MRC2: variants seen among roughly 807,000 people sequenced by gnomAD.
MRC2 encodes mannose receptor C-type 2.
A neutral mutation model predicts 206.2 loss-of-function variants in MRC2; 84 were observed. The observed-to-expected ratio is 0.41, with a 90% confidence interval of 0.34 to 0.49. The LOEUF (loss-of-function observed/expected upper bound fraction) is 0.49. MRC2 is among the 20% of genes least tolerant of loss of function. The pLI, the probability that MRC2 is intolerant of heterozygous loss-of-function variation, is 0.31. For missense variants in MRC2, 1,676 were observed against 2,001.5 expected (o/e 0.84, Z 3.10); for synonymous variants, 798 against 800.0 (o/e 1.00, Z 0.04).
chr17:62,649,009 C>T (rs1264426897), intron 1 of MRC2, among the ~76,000 whole-genome samples: 6 of 152,230 alleles, frequency 3.9e-5, no homozygotes, highest in African/African-American at 1.2e-4. Flanking sequence ...CCTTTGTCCT[C>T]CCAGAAACCC....
intron 20 of MRC2, chr17:62,683,862 C>T (rs2089001250): frequency 6.7e-6 from 1 of 148,340 alleles, no homozygotes. Context: ...GAGACCCTTT[C>T]TCCAAAAAAA....
chr17:62,660,814 C>T (rs2088670874), intron 1 of MRC2, among the ~76,000 whole-genome samples: 1 of 152,056 alleles, frequency 6.6e-6, no homozygotes, highest in African/African-American at 2.4e-5. Flanking sequence ...TGACATTATC[C>T]ACAATGTCCA....
At chr17:62,661,397 A>G (rs2088677654) in intron 1 of MRC2, among the ~76,000 whole-genome samples, 1 of 152,058 alleles carries the variant, frequency 6.6e-6, no homozygotes. Flanking sequence ...CTGTCTATGC[A>G]TATCTCTTCT....
chr17:62,682,040 C>T, intron 19 of MRC2, 103 bp downstream of exon 19: 2 of 1,192,306 alleles, frequency 1.7e-6, no homozygotes, highest in South Asian at 1.5e-5. Flanking sequence ...CTCTTTGTTC[C>T]CACAACCCAA....
intron 1 of MRC2, among the ~76,000 whole-genome samples, chr17:62,637,548 AAAG>A (rs2088339797): frequency 6.6e-6 from 1 of 151,424 alleles, no homozygotes; most frequent in African/African-American, 2.4e-5. Context: ...AAAAAAAAAA[AAAG>A]AAAAGAAAAA....
chr17:62,669,782 C>T (rs1003222342), intron 6 of MRC2, among the ~76,000 whole-genome samples: 1 of 152,124 alleles, frequency 6.6e-6, no homozygotes, highest in Non-Finnish European at 1.5e-5. Flanking sequence ...TCTCGAACTC[C>T]TGTCTTCAAG....
intron 28 of MRC2, among the ~76,000 whole-genome samples, chr17:62,691,851 G>T (rs958119940): frequency 1.3e-5 from 2 of 152,060 alleles, no homozygotes; most frequent in African/African-American, 2.4e-5. Context: ...GTTAGGGAAG[G>T]GGCTGACACC....
rs1352296391 is a variant in MRC2 at position 62,666,854 on chromosome 17, C to T, written c.957C>T (p.Tyr319=). The T allele has an allele frequency of 1.2e-6, 2 of 1,613,606 alleles. No individual in the cohort carries two copies. Among genetic ancestry groups the T allele is most frequent in the African/African-American group, 1.3e-5 (1 of 74,866 alleles). ...GGTCGGACAACTCGCCCCTCAAGTA[C>T]CTCAACTGGGAGAGTGGTGAGGCAC... The part of the protein sequence containing the change: ...WQWSDNSPLK[Y]LNWESDQPDN... Residue 319 remains tyrosine, a synonymous_variant, in exon 5 of 30, where the codon TAC becomes TAT. Transcript: ENST00000303375. The surrounding 1 kb of genome is among the most constrained non-coding windows in gnomAD (Gnocchi z 5.0).
chr17:62,663,958 C>CTTTTTTT (rs1200787312), intron 1 of MRC2, among the ~76,000 whole-genome samples: 1 of 125,286 alleles, frequency 8.0e-6, no homozygotes, highest in Non-Finnish European at 1.7e-5. Context: ...GTTGGGTTTG[C>CTTTTTTT]TTTTTTTTTT....
chr17:62,657,018 C>G lies in MRC2; in HGVS notation c.119-7530C>G, dbSNP rs8068299. Among the ~76,000 whole-genome samples, 895 of 152,316 alleles carry G rather than the reference C, an allele frequency of 5.9e-3. 11 individuals carry two copies. Among genetic ancestry groups the G allele is most frequent in the African/African-American group, 0.02 (847 of 41,560 alleles). On this transcript the variant is annotated intron_variant, in intron 1 of 29. Coordinates refer to ENST00000303375, the MANE Select transcript of MRC2 (RefSeq NM_006039.5). Reference sequence around the variant, plus strand: ...TGTTCCAGGGGAGTTCTCTGATCAGCCCTGTTTGAGTTATGTGCCCCATCA... The same window carrying G: ...TGTTCCAGGGGAGTTCTCTGATCAGGCCTGTTTGAGTTATGTGCCCCATCA...
intron 1 of MRC2, among the ~76,000 whole-genome samples, chr17:62,638,083 G>C (rs910634962): frequency 6.6e-6 from 1 of 152,092 alleles, no homozygotes; most frequent in African/African-American, 2.4e-5. Context: ...AGCTGGTCTC[G>C]AACTCCTGGG....
At chr17:62,673,726 T>C (rs1045339365) in intron 8 of MRC2, among the ~76,000 whole-genome samples, 2 of 152,152 alleles carry the variant, frequency 1.3e-5, no homozygotes, top group African/African-American at 4.8e-5. Context: ...GCCAGGCTGG[T>C]CTTGAACTCT....
At chr17:62,628,189 G>C (rs1002725432) in intron 1 of MRC2, among the ~76,000 whole-genome samples, 1 of 152,000 alleles carries the variant, frequency 6.6e-6, no homozygotes, top group African/African-American at 2.4e-5. Flanking sequence ...GACTCCAGCA[G>C]CCTAGGAGGA....
intron 1 of MRC2, among the ~76,000 whole-genome samples, chr17:62,635,078 G>A (rs1055034358): frequency 6.6e-6 from 1 of 151,342 alleles, no homozygotes; most frequent in South Asian, 2.1e-4. Context: ...CGATCCACCC[G>A]CCTTGGCCTC....
chr17:62,678,679 C>T, intron 13 of MRC2, 33 bp downstream of exon 13: 1 of 1,595,858 alleles, frequency 6.3e-7, no homozygotes, highest in Non-Finnish European at 8.5e-7. Flanking sequence ...GTTAGGAGGG[C>T]ACCCGCACAC....
At chr17:62,650,172 G>A (rs1298976556) in intron 1 of MRC2, among the ~76,000 whole-genome samples, 1 of 151,796 alleles carries the variant, frequency 6.6e-6, no homozygotes, top group Non-Finnish European at 1.5e-5. Flanking sequence ...TGGGATCACA[G>A]GCATGAGCCA....
At chr17:62,636,514 G>A (rs1416569989) in intron 1 of MRC2, among the ~76,000 whole-genome samples, 3 of 141,616 alleles carry the variant, frequency 2.1e-5, no homozygotes, top group Admixed American at 7.4e-5. Context: ...TGTCGCCCAG[G>A]CTGGAGTGCA....
Position 62,680,727 on chromosome 17 carries a change from C to A in MRC2, c.2474-73C>A. On this transcript the variant is annotated intron_variant, in intron 16 of 29. Transcript: ENST00000303375. The surrounding 1 kb of genome is among the most constrained non-coding windows in gnomAD (Gnocchi z 4.8). ...GCCGCCTGGCTCTGCCCCGGCCCTG[C>A]CGCGCCCGCCTCCGGGGCCTGGCGT... The A allele has an allele frequency of 7.1e-7, 1 of 1,407,442 alleles. No individual in the cohort carries two copies. The highest frequency in any genetic ancestry group is 9.2e-7 in the Non-Finnish European group (1 of 1,084,658). The allele number at this position is 1,407,442 out of a possible 1,614,324, so 87.2% of individuals were successfully genotyped here.
chr17:62,633,334 C>G (rs1182136361), intron 1 of MRC2, among the ~76,000 whole-genome samples: 2 of 151,766 alleles, frequency 1.3e-5, no homozygotes, highest in African/African-American at 2.4e-5. Flanking sequence ...AACCCCATCT[C>G]TACTAAAAAT....
Sources: gnomAD v4.1 joint callset for allele counts (sites outside exome capture counted in the v4.1 genomes callset) on GRCh38, gnomAD v4.1.1 for gene constraint, Gnocchi (gnomAD v3.1) non-coding constraint, MANE v1.5 for transcripts, NCBI Gene and HGNC (gene_info 2026-07-23, HGNC 2026-07-21) for gene names.